ZNF20: variants seen among roughly 807,000 people sequenced by gnomAD.
ZNF20 encodes the protein zinc finger protein KOX13.
Under a neutral mutation model 11.0 loss-of-function variants are expected in ZNF20, and 9 were observed. That is an observed-to-expected ratio of 0.82 (90% CI 0.49 to 1.43). The LOEUF (loss-of-function observed/expected upper bound fraction) is 1.43, where lower values mean the gene tolerates loss of function less well. Ranked by LOEUF, ZNF20 falls within the 40% of genes most tolerant of loss-of-function variation. ZNF20 has a pLI of 0.00. For missense variants in ZNF20, 528 were observed against 640.8 expected, an observed-to-expected ratio of 0.82 and a Z score of 1.90; for synonymous variants, 182 against 213.0, an observed-to-expected ratio of 0.85 and a Z score of 1.27.
Position 12,132,839 on chromosome 19 carries a change from C to T in ZNF20, c.1347G>A (p.Lys449=). Residue 449 remains lysine (K), a synonymous_variant, in exon 4 of 4, where the codon AAG becomes AAA. Transcript: ENST00000334213. ...TGCCACATACCTTACACTCATATGG[C>T]TTATCTCCAGTGTGTGTCCTTTCAT... ...HIHERTHTGD[K]PYECKVCGKA... is the part of the protein sequence containing the mutation. The T allele has an allele frequency of 1.2e-6, 2 of 1,613,742 alleles. No individual in the cohort carries two copies. Among genetic ancestry groups the T allele is most frequent in the Non-Finnish European group, 1.7e-6 (2 of 1,179,952 alleles).
rs747703229 is a variant in ZNF20, at chr19:12,140,285, G to A, written c.-103C>T. 1 of 1,464,148 alleles carries A rather than the reference G, an allele frequency of 6.8e-7. No homozygotes were observed. Among genetic ancestry groups the A allele is most frequent in the Admixed American group, 2.0e-5 (1 of 51,070 alleles). The allele number at this position is 1,464,148 out of a possible 1,614,324, so 90.7% of individuals were successfully genotyped here. ...GACAGAAGTTGTGGCAGAGGGACCC[G>A]GGGCCTCTCGGAGTAGGAAATCTGG... On this transcript the variant is annotated 5_prime_UTR_variant, in exon 1 of 4. Coordinates refer to ENST00000334213, the MANE Select transcript of ZNF20 (RefSeq NM_021143.4).
rs1267468779 is a variant in ZNF20, at chr19:12,140,233, T to A, written c.-51A>T. The A allele has an allele frequency of 6.3e-7, 1 of 1,590,378 alleles. No homozygotes were observed. The highest frequency in any genetic ancestry group is 2.3e-5 in the East Asian group (1 of 43,856). On this transcript the variant is annotated 5_prime_UTR_variant, in exon 1 of 4. Transcript: ENST00000334213. ...TCCTCTCTAGGGCTCCCGTGAATAG[T>A]GCGGGTCACGGTGCAGGCGGCAGAG... is the stretch of plus-strand genomic sequence containing the variant.
At position 12,133,115 on chromosome 19, in the gene ZNF20, A is replaced by G; in HGVS notation, c.1071T>C (p.His357=). The change falls in exon 4 of 4, where the codon CAT becomes CAC. Residue 357 remains histidine, a synonymous_variant. Coordinates refer to ENST00000334213, the MANE Select transcript of ZNF20 (RefSeq NM_021143.4). ...AFRCTSDLQR[H]EKTHTEDKPY... ...GTTTATCCTCAGTGTGTGTCTTTTC[A>G]TGCCTTTGAAGGTCCGAGGTACATC... 1.2e-6 allele frequency: 2 copies of G among 1,613,658 alleles called. No individual in the cohort carries two copies. The highest frequency in any genetic ancestry group is 2.7e-5 in the African/African-American group (2 of 74,864).
Position 12,133,818 on chromosome 19 carries a change from T to A in ZNF20, c.368A>T (p.His123Leu). 6.2e-7 allele frequency: 1 copy of A among 1,614,224 alleles called. No homozygotes were observed. Among genetic ancestry groups the A allele is most frequent in the Non-Finnish European group, 8.5e-7 (1 of 1,180,048 alleles). ...VGTGHSSLNT[H>L]IRADTGHKSS... ...CTTGTGTCCAGTGTCAGCTCTGATA[T>A]GCGTATTAAGAGATGAATGACCCGT... Residue 123 changes from histidine (H) to leucine (L), a missense_variant, in exon 4 of 4, where the codon CAT becomes CTT. Physicochemically the swap from His to Leu is moderately conservative, Grantham distance 99. Transcript: ENST00000334213.
At position 12,137,128 on chromosome 19, in the gene ZNF20, A is replaced by C. The variant is rs1555724916; in HGVS notation, c.4-1224T>G. ...AAGACCAGTCTGGCCAACATGGTGAAACTCCCTCTCTACTAAAAAACACAA... is the reference window on the plus strand; with the variant it reads ...AAGACCAGTCTGGCCAACATGGTGACACTCCCTCTCTACTAAAAAACACAA... On this transcript the variant is annotated intron_variant, in intron 1 of 3. Coordinates refer to ENST00000334213, the MANE Select transcript of ZNF20 (RefSeq NM_021143.4). The C allele has an allele frequency of 2.4e-5, 4 of 168,124 alleles. No homozygotes were observed. In the South Asian group the frequency reaches 4.8e-4, roughly 20 times the overall value. The allele number at this position is 168,124 out of a possible 1,614,324, so 10.4% of individuals were successfully genotyped here.
intron 1 of ZNF20, among the ~76,000 whole-genome samples, chr19:12,136,386 T>C (rs1599433548): frequency 7.1e-6 from 1 of 141,552 alleles, no homozygotes; most frequent in Non-Finnish European, 1.5e-5. Context: ...AAAAAAATAA[T>C]AATAAAATAA....
rs776406128 is a variant in ZNF20 at position 12,132,820 on chromosome 19, A to G, written c.1366T>C (p.Cys456Arg). The G allele has an allele frequency of 3.1e-6, 5 of 1,613,854 alleles. No individual in the cohort carries two copies. In the African/African-American group the frequency reaches 4.0e-5, roughly 13 times the overall value. The change falls in exon 4 of 4, where the codon TGT (cysteine) becomes CGT (arginine). Residue 456 changes from cysteine to arginine, a missense_variant. Coordinates refer to ENST00000334213, the MANE Select transcript of ZNF20 (RefSeq NM_021143.4). ...CTGGAACAAGTGAAGGCTTTGCCAC[A>G]TACCTTACACTCATATGGCTTATCT... ...TGDKPYECKV[C>R]GKAFTCSSSI...
Position 12,133,949 on chromosome 19 carries a change from A to G in ZNF20, c.237T>C (p.Ser79=), listed in dbSNP as rs1389229534. 1.2e-6 allele frequency: 2 copies of G among 1,610,522 alleles called. No homozygotes were observed. The highest frequency in any genetic ancestry group is 2.2e-5 in the East Asian group (1 of 44,840). The part of the protein sequence containing the change: ...MREKLCESKE[S]HHCGESFNQI... ...GGTTGAAGCTTTCTCCACAGTGATGACTTTCTTTACTTTCACAGAGTTTCT... is the reference window on the plus strand; with the variant it reads ...GGTTGAAGCTTTCTCCACAGTGATGGCTTTCTTTACTTTCACAGAGTTTCT... Residue 79 remains serine, a synonymous_variant, in exon 4 of 4, where the codon AGT becomes AGC. Coordinates refer to ENST00000334213, the MANE Select transcript of ZNF20 (RefSeq NM_021143.4).
chr19:12,139,376 G>A lies in ZNF20; in HGVS notation c.3+804C>T, dbSNP rs964472765. On this transcript the variant is annotated intron_variant, in intron 1 of 3. Transcript: ENST00000334213. This position sits in a 1 kb window ranked among gnomAD's most constrained non-coding sequence, Gnocchi z 4.0. ...AATCCCTTCATTCCTTCCTTGCTTT[G>A]TGCGTTTTGTCCAATTCTTTGTTCA... Among the ~76,000 whole-genome samples the A allele has an allele frequency of 6.6e-6, 1 of 152,022 alleles. No homozygotes were observed. Among genetic ancestry groups the A allele is most frequent in the Non-Finnish European group, 1.5e-5 (1 of 68,026 alleles).
In ZNF20 at chr19:12,133,058, A is replaced by G; in HGVS notation, c.1128T>C (p.Phe376=). 6.2e-7 allele frequency: 1 copy of G among 1,614,054 alleles called. No individual in the cohort carries two copies. ...PYGCKQCGKG[F]RCASQLQIHE... is the part of the protein sequence containing the mutation. ...GAATTTGAAGTTGTGAAGCACATCTAAAGCCTTTCCCACACTGCTTACATC... is the reference window on the plus strand; with the variant it reads ...GAATTTGAAGTTGTGAAGCACATCTGAAGCCTTTCCCACACTGCTTACATC... The change falls in exon 4 of 4, where the codon TTT becomes TTC. Residue 376 remains phenylalanine (F), a synonymous_variant. Transcript: ENST00000334213.
intron 1 of ZNF20, chr19:12,137,562 A>G (rs749378111): frequency 6.6e-6 from 1 of 152,348 alleles, no homozygotes; most frequent in Admixed American, 6.5e-5. Flanking sequence ...CTCCAAATCT[A>G]TCAGAAACAA....
At chr19:12,138,901 T>G (rs1259443056) in intron 1 of ZNF20, among the ~76,000 whole-genome samples, 3 of 152,122 alleles carry the variant, frequency 2.0e-5, no homozygotes, top group Non-Finnish European at 4.4e-5. Flanking sequence ...ATTGAAAATT[T>G]AAGATGTTAC....
intron 3 of ZNF20, among the ~76,000 whole-genome samples, chr19:12,134,613 C>A (rs1487789396): frequency 6.6e-6 from 1 of 151,680 alleles, no homozygotes; most frequent in African/African-American, 2.4e-5. Context: ...ACTCCACTCC[C>A]GCCTGGGTGA....
intron 1 of ZNF20, 90 bp downstream of exon 1, chr19:12,140,090 G>A (rs1976776332): frequency 5.4e-6 from 8 of 1,492,116 alleles, no homozygotes; most frequent in Non-Finnish European, 7.3e-6. Flanking sequence ...CAGGAGGCGC[G>A]GCGAGGAGGC....
rs1371350254 is a variant in ZNF20, at chr19:12,135,753, A to C, written c.139+16T>G. On this transcript the variant is annotated intron_variant, in intron 2 of 3. Coordinates refer to ENST00000334213, the MANE Select transcript of ZNF20 (RefSeq NM_021143.4). ...TTGTTCTCTAATTCACTGGGAAGTA[A>C]TATTGTCATTCTTACCTACAGAGGT... 2.5e-6 allele frequency: 4 copies of C among 1,612,670 alleles called. No homozygotes were observed. Among genetic ancestry groups the C allele is most frequent in the Non-Finnish European group, 3.4e-6 (4 of 1,179,648 alleles).
Position 12,135,521 on chromosome 19 carries a change from T to C in ZNF20, c.179A>G (p.Lys60Arg). 1 of 1,613,768 alleles carries C rather than the reference T, an allele frequency of 6.2e-7. No individual in the cohort carries two copies. The highest frequency in any genetic ancestry group is 2.2e-5 in the East Asian group (1 of 44,882). ...WKVQNIEDEY[K>R]NPRRNLSLMR... ...TTACCTTAGATTTCTCCTGGGATTT[T>C]TGTACTCATCTTCAATGTTCTGAAC... Residue 60 changes from lysine to arginine, a missense_variant, in exon 3 of 4, where the codon AAA becomes AGA. Transcript: ENST00000334213.
intron 1 of ZNF20, among the ~76,000 whole-genome samples, chr19:12,136,138 A>G (rs1377400096): frequency 6.6e-6 from 1 of 152,042 alleles, no homozygotes; most frequent in Non-Finnish European, 1.5e-5. Flanking sequence ...GCACTTTGGG[A>G]GGCTGAGGCA....
rs1043893671 is a variant in ZNF20 at position 12,139,776 on chromosome 19, A to T, written c.3+404T>A. ...CGATCTCCTGACTTCGTGATCCGCA[A>T]GCCTCGGCCTCCCAAAGTGCTGGGA... On this transcript the variant is annotated intron_variant, in intron 1 of 3. Coordinates refer to ENST00000334213, the MANE Select transcript of ZNF20 (RefSeq NM_021143.4). The surrounding 1 kb of genome is among the most constrained non-coding windows in gnomAD (Gnocchi z 4.0). Among the ~76,000 whole-genome samples, 9 of 152,022 alleles carry T rather than the reference A, an allele frequency of 5.9e-5. No homozygotes were observed. Among genetic ancestry groups the T allele is most frequent in the African/African-American group, 1.9e-4 (8 of 41,420 alleles).
intron 1 of ZNF20, among the ~76,000 whole-genome samples, chr19:12,136,333 G>A (rs539250705): frequency 1.3e-5 from 2 of 151,768 alleles, no homozygotes; most frequent in Non-Finnish European, 2.9e-5. Flanking sequence ...CCGAGATCGC[G>A]TCACTGCACT....
Sources: allele counts gnomAD v4.1 joint callset (sites outside exome capture counted in the v4.1 genomes callset), GRCh38; gene constraint gnomAD v4.1.1; non-coding constraint Gnocchi (gnomAD v3.1); transcripts MANE v1.5; gene names NCBI Gene and HGNC (gene_info 2026-07-23, HGNC 2026-07-21).